The following SLC10A1 variants were observed in gnomAD, a reference collection of about 807,000 sequenced individuals.
SLC10A1 encodes the protein solute carrier family 10 member 1, also known as hepatic sodium/bile acid cotransporter.
A neutral mutation model predicts 20.5 loss-of-function variants in SLC10A1; 36 were observed. The ratio of observed to expected loss-of-function variants is 1.75; its 90% CI spans 1.34 to 2.32. The LOEUF (loss-of-function observed/expected upper bound fraction) is 2.32. Among genes scored for constraint, SLC10A1 ranks in the 30% most tolerant of loss-of-function variants. The pLI is 0.00. For missense variants in SLC10A1, 545 were observed against 439.1 expected, an observed-to-expected ratio of 1.24 and a Z score of -2.16; for synonymous variants, 188 against 163.6, an observed-to-expected ratio of 1.15 and a Z score of -1.14.
At position 69,786,238 on chromosome 14, in the gene SLC10A1, G is replaced by A; in HGVS notation, c.426C>T (p.Ser142=). Residue 142 remains serine, a synonymous_variant, in exon 2 of 5, where the codon TCC becomes TCT. Transcript: ENST00000216540. The stretch of plus-strand genomic sequence containing the variant: ...TCAGGTCCCCATCATAGATCCCCCT[G>A]GAGTAGATGTACAGGAGGAGAGGCA... ...GMMPLLLYIY[S]RGIYDGDLKD... is the part of the protein sequence containing the mutation. 6.2e-7 allele frequency: 1 copy of A among 1,614,028 alleles called. No individual in the cohort carries two copies. The highest frequency in any genetic ancestry group is 2.2e-5 in the East Asian group (1 of 44,876).
chr14:69,792,678 G>A (rs1882301049), intron 1 of SLC10A1, among the ~76,000 whole-genome samples: 1 of 152,188 alleles, frequency 6.6e-6, no homozygotes, highest in South Asian at 2.1e-4. Flanking sequence ...AATTGCATAT[G>A]CCCTCATGTG....
chr14:69,779,680 C>T (rs564148780), intron 2 of SLC10A1, among the ~76,000 whole-genome samples: 2 of 152,186 alleles, frequency 1.3e-5, no homozygotes, highest in East Asian at 1.9e-4. Context: ...TTTTAGATTT[C>T]GTATCAGTAG....
chr14:69,792,622 G>A lies in SLC10A1; in HGVS notation c.356+4178C>T, dbSNP rs985752113. ...GTGTGAAGTGAACAATGACCTTGGA[G>A]ACCTCTTAAAGATGTGTGACTCCCA... On this transcript the variant is annotated intron_variant, in intron 1 of 4. Coordinates refer to ENST00000216540, the MANE Select transcript of SLC10A1 (RefSeq NM_003049.4). Among the ~76,000 whole-genome samples the A allele has an allele frequency of 7.9e-5, 12 of 152,330 alleles. No homozygotes were observed. The South Asian group carries it at 2.5e-3, about 32-fold the overall frequency.
chr14:69,787,037 G>T (rs1464419688), intron 1 of SLC10A1, among the ~76,000 whole-genome samples: 1 of 152,232 alleles, frequency 6.6e-6, no homozygotes, highest in Non-Finnish European at 1.5e-5. Context: ...TAATGGTGGG[G>T]TAGTAGAGAA....
In SLC10A1 at chr14:69,776,119, A is replaced by G; in HGVS notation, c.*163T>C. The stretch of plus-strand genomic sequence containing the variant: ...GATAGGTGAGGCTTCTTGGGTAGAC[A>G]CCCTGTCTGTGTTCCCGGCCAAGAC... On this transcript the variant is annotated 3_prime_UTR_variant, in exon 5 of 5. Transcript: ENST00000216540. The G allele has an allele frequency of 1.7e-6, 1 of 602,852 alleles. No homozygotes were observed. The highest frequency in any genetic ancestry group is 2.9e-6 in the Non-Finnish European group (1 of 339,198). 37.3% of individuals were successfully genotyped at this position (602,852 alleles called of 1,614,324 possible).
intron 2 of SLC10A1, among the ~76,000 whole-genome samples, chr14:69,782,001 C>G (rs1447623579): frequency 6.6e-6 from 1 of 152,172 alleles, no homozygotes; most frequent in Non-Finnish European, 1.5e-5. Context: ...TGTTCGTTTT[C>G]CAGTTTGGCA....
At chr14:69,777,895 C>A (rs1185005767) in intron 4 of SLC10A1, among the ~76,000 whole-genome samples, 1 of 148,860 alleles carries the variant, frequency 6.7e-6, no homozygotes, top group African/African-American at 2.5e-5. Context: ...ATATGTTTTT[C>A]CTCATACGGA....
At chr14:69,793,170 G>A (rs1882313054) in intron 1 of SLC10A1, among the ~76,000 whole-genome samples, 1 of 152,168 alleles carries the variant, frequency 6.6e-6, no homozygotes, top group Non-Finnish European at 1.5e-5. Flanking sequence ...CAGGAGTTTT[G>A]GAGTTTGGAC....
chr14:69,786,969 TTAAAAGGACTG>T (rs778483918), intron 1 of SLC10A1, among the ~76,000 whole-genome samples: 27 of 152,234 alleles, frequency 1.8e-4, no homozygotes, highest in Non-Finnish European at 3.7e-4. Context: ...GATACCATGA[TTAAAAGGACTG>T]TAAAAGAAAT....
At position 69,786,206 on chromosome 14, in the gene SLC10A1, T is replaced by C. The variant is rs772995593; in HGVS notation, c.458A>G (p.Lys153Arg). ...TATCACGATGCCTTTATAGGGCACC[T>C]TGTCCTTCAGGTCCCCATCATAGAT... is the stretch of plus-strand genomic sequence containing the variant. ...RGIYDGDLKDKVPYKGIVISL... is the reference protein window; with the variant it reads ...RGIYDGDLKDRVPYKGIVISL... The change falls in exon 2 of 5, where the codon AAG (lysine) becomes AGG (arginine). Residue 153 changes from lysine (K) to arginine (R), a missense_variant. Coordinates refer to ENST00000216540, the MANE Select transcript of SLC10A1 (RefSeq NM_003049.4). 6.2e-7 allele frequency: 1 copy of C among 1,613,962 alleles called. No individual in the cohort carries two copies. Among genetic ancestry groups the C allele is most frequent in the Non-Finnish European group, 8.5e-7 (1 of 1,179,910 alleles).
In SLC10A1 at chr14:69,776,200, G is replaced by A; in HGVS notation, c.*82C>T. The A allele has an allele frequency of 1.1e-6, 1 of 912,216 alleles. No homozygotes were observed. The highest frequency in any genetic ancestry group is 1.8e-6 in the Non-Finnish European group (1 of 568,094). The allele number at this position is 912,216 out of a possible 1,614,324, so 56.5% of individuals were successfully genotyped here. A position where few individuals can be genotyped will look rare whatever the true frequency, so the allele number is the denominator to read the frequency against. On this transcript the variant is annotated 3_prime_UTR_variant, in exon 5 of 5. Coordinates refer to ENST00000216540, the MANE Select transcript of SLC10A1 (RefSeq NM_003049.4). ...CTGGAGAAAGACTCAGGCAAGACTG[G>A]TGTTTTTGCTGCTCTCTCTAGTTTA...
intron 1 of SLC10A1, among the ~76,000 whole-genome samples, chr14:69,794,220 TA>T (rs928224677): frequency 2.4e-4 from 36 of 152,302 alleles, no homozygotes; most frequent in African/African-American, 7.7e-4. Flanking sequence ...TTTGCACATT[TA>T]AAAAAATGGA....
rs772762685 is a variant in SLC10A1 at position 69,778,479 on chromosome 14, C to T, written c.797G>A (p.Cys266Tyr). The change falls in exon 4 of 5, where the codon TGT becomes TAT. Residue 266 changes from cysteine to tyrosine, a missense_variant. Coordinates refer to ENST00000216540, the MANE Select transcript of SLC10A1 (RefSeq NM_003049.4). ...AAAGGCCACATTGAGGATGGTGGAACAGAGTTGGACATTTTGGCATCCAGT... is the reference window on the plus strand; with the variant it reads ...AAAGGCCACATTGAGGATGGTGGAATAGAGTTGGACATTTTGGCATCCAGT... The part of the protein sequence containing the change: ...METGCQNVQL[C>Y]STILNVAFPP... 1.9e-6 allele frequency: 3 copies of T among 1,612,866 alleles called. No individual in the cohort carries two copies. The South Asian group carries it at 3.3e-5, about 18-fold the overall frequency.
chr14:69,797,170 G>C lies in SLC10A1; in HGVS notation c.-15C>G, dbSNP rs1296388548. ...TGGGCCTCCATCCTCCTGTGAGGCAGTGGAAGACCACTCCTTGTTCTCCGG... is the reference window on the plus strand; with the variant it reads ...TGGGCCTCCATCCTCCTGTGAGGCACTGGAAGACCACTCCTTGTTCTCCGG... On this transcript the variant is annotated 5_prime_UTR_variant, in exon 1 of 5. Coordinates refer to ENST00000216540, the MANE Select transcript of SLC10A1 (RefSeq NM_003049.4). 1 of 1,589,720 alleles carries C rather than the reference G, an allele frequency of 6.3e-7. No individual in the cohort carries two copies. The highest frequency in any genetic ancestry group is 1.3e-5 in the African/African-American group (1 of 74,440).
At chr14:69,787,180 T>C (rs1430936943) in intron 1 of SLC10A1, among the ~76,000 whole-genome samples, 3 of 141,702 alleles carry the variant, frequency 2.1e-5, no homozygotes, top group African/African-American at 8.9e-5. Context: ...CTTGATATTA[T>C]TTAAAATAAA....
At position 69,776,896 on chromosome 14, in the gene SLC10A1, C is replaced by T. The variant is rs569915471; in HGVS notation, c.944-508G>A. On this transcript the variant is annotated intron_variant, in intron 4 of 4. Coordinates refer to ENST00000216540, the MANE Select transcript of SLC10A1 (RefSeq NM_003049.4). The stretch of plus-strand genomic sequence containing the variant: ...AGTTCTCTATACAGAGTTGTTCTCC[C>T]ATCAGGTGCAGGAATGAAAAGTATA... Among the ~76,000 whole-genome samples the T allele has an allele frequency of 5.3e-5, 8 of 152,240 alleles. No homozygotes were observed. The South Asian group carries it at 1.5e-3, about 28-fold the overall frequency.
chr14:69,776,369 G>A lies in SLC10A1; in HGVS notation c.963C>T (p.Tyr321=), dbSNP rs763852512. The change falls in exon 5 of 5, where the codon TAC becomes TAT. Residue 321 remains tyrosine (Y), a synonymous_variant. Coordinates refer to ENST00000216540, the MANE Select transcript of SLC10A1 (RefSeq NM_003049.4). ...KTPKDKTKMI[Y]TAATTEETIP... is the part of the protein sequence containing the mutation. ...TTGTTTCTTCAGTTGTGGCAGCTGT[G>A]TAGATCATTTTTGTTTTATCTGTAA... 5.0e-6 allele frequency: 8 copies of A among 1,613,926 alleles called. No individual in the cohort carries two copies. The highest frequency in any genetic ancestry group is 6.8e-6 in the Non-Finnish European group (8 of 1,179,924).
In SLC10A1 at chr14:69,785,058, G is replaced by A. The variant is rs1431209874; in HGVS notation, c.567+1039C>T. ...GCACGCCTTGCAGACCAGGCCAGAG[G>A]CATTGATCCAGGGGCAGAGATGGTA... is the stretch of plus-strand genomic sequence containing the variant. On this transcript the variant is annotated intron_variant, in intron 2 of 4. Transcript: ENST00000216540. 2.0e-5 allele frequency among the ~76,000 whole-genome samples: 3 copies of A among 152,166 alleles called. No individual in the cohort carries two copies. The East Asian group carries it at 5.8e-4, about 29-fold the overall frequency.
chr14:69,776,614 T>C (rs1266479366), intron 4 of SLC10A1, among the ~76,000 whole-genome samples: 1 of 152,200 alleles, frequency 6.6e-6, no homozygotes, highest in Non-Finnish European at 1.5e-5. Flanking sequence ...ATTAGACTAT[T>C]GTGTCTTCAT....
Sources: allele counts gnomAD v4.1 joint callset (sites outside exome capture counted in the v4.1 genomes callset), GRCh38; gene constraint gnomAD v4.1.1; transcripts MANE v1.5; gene names NCBI Gene and HGNC (gene_info 2026-07-23, HGNC 2026-07-21).